Variants in IQCK observed in about 807,000 individuals in gnomAD.
IQCK encodes the protein IQ domain-containing protein K.
In IQCK, 29 loss-of-function variants were observed where a neutral mutation model predicts 28.1. The observed-to-expected ratio is 1.03, with a 90% CI of 0.77 to 1.41. The LOEUF (loss-of-function observed/expected upper bound fraction) is 1.41, where lower values mean the gene tolerates loss of function less well. IQCK is among the 40% of genes most tolerant of loss of function. The pLI is 0.00. For synonymous variants in IQCK, 113 were observed against 115.1 expected (o/e 0.98, Z 0.12); for missense variants, 359 against 314.7 (o/e 1.14, Z -1.07).
chr16:19,730,107 C>T (rs979509724), intron 1 of IQCK, among the ~76,000 whole-genome samples: 1 of 152,112 alleles, frequency 6.6e-6, no homozygotes, highest in Non-Finnish European at 1.5e-5. Flanking sequence ...AGGCACCAGC[C>T]ACCACGCCCA....
chr16:19,769,487 A>G (rs1028577673), intron 6 of IQCK, among the ~76,000 whole-genome samples: 3 of 152,176 alleles, frequency 2.0e-5, no homozygotes, highest in Non-Finnish European at 4.4e-5. Context: ...CCATTGGTGG[A>G]CATTGTGACA....
At chr16:19,738,367 GT>G (rs571502119) in intron 4 of IQCK, among the ~76,000 whole-genome samples, 51 of 152,288 alleles carry the variant, frequency 3.3e-4, no homozygotes, top group African/African-American at 1.2e-3. Flanking sequence ...CATGAGTTTA[GT>G]TGATGGAGGA....
Position 19,733,780 on chromosome 16 carries a change from G to A in IQCK, c.329G>A (p.Arg110His), listed in dbSNP as rs560311228. The change falls in exon 3 of 8, where the codon CGT becomes CAT. Residue 110 changes from arginine to histidine, a missense_variant. Coordinates refer to ENST00000564186, the Ensembl canonical transcript of IQCK. Reference sequence around the variant, plus strand: ...GTTTCCCATTTCACCATGATCTCACGTACACCCTGTCCTCAAGATAAATCG... The same window carrying A: ...GTTTCCCATTTCACCATGATCTCACATACACCCTGTCCTCAAGATAAATCG... 3.2e-5 allele frequency: 51 copies of A among 1,613,976 alleles called. No individual in the cohort carries two copies. The Admixed American group carries it at 4.2e-4, about 13-fold the overall frequency.
intron 6 of IQCK, among the ~76,000 whole-genome samples, chr16:19,774,968 C>A (rs1394581833): frequency 6.6e-6 from 1 of 152,104 alleles, no homozygotes; most frequent in Non-Finnish European, 1.5e-5. Flanking sequence ...TAGGCCTTGC[C>A]TGTAATCCCA....
chr16:19,817,616 T>G (rs2056006610), intron 7 of IQCK, among the ~76,000 whole-genome samples: 1 of 152,164 alleles, frequency 6.6e-6, no homozygotes, highest in South Asian at 2.1e-4. Context: ...GATGTTTCTG[T>G]TTTTGTTGTT....
At chr16:19,846,528 C>T (rs1469766605) in intron 9 of IQCK, among the ~76,000 whole-genome samples, 1 of 152,212 alleles carries the variant, frequency 6.6e-6, no homozygotes, top group Non-Finnish European at 1.5e-5. Context: ...AAAATACTGC[C>T]TTCAAGGAGA....
At chr16:19,809,522 T>C (rs2055875783) in intron 7 of IQCK, among the ~76,000 whole-genome samples, 1 of 152,130 alleles carries the variant, frequency 6.6e-6, no homozygotes, top group Admixed American at 6.5e-5. Flanking sequence ...GCAGATACAA[T>C]CCAGGGGACA....
chr16:19,728,076 A>G (rs1183565317), intron 1 of IQCK, among the ~76,000 whole-genome samples: 1 of 151,360 alleles, frequency 6.6e-6, no homozygotes, highest in Non-Finnish European at 1.5e-5. Flanking sequence ...TGAGCCCTTA[A>G]AAGAAGTCAG....
At chr16:19,852,418 C>A (rs2056494413) in intron 9 of IQCK, among the ~76,000 whole-genome samples, 1 of 151,556 alleles carries the variant, frequency 6.6e-6, no homozygotes, top group Non-Finnish European at 1.5e-5. Flanking sequence ...AACAAACAAA[C>A]AAACAAACAA....
chr16:19,841,201 C>A (rs971837768), intron 9 of IQCK, among the ~76,000 whole-genome samples: 2 of 152,104 alleles, frequency 1.3e-5, no homozygotes, highest in Non-Finnish European at 2.9e-5. Context: ...AAAAAGGTAC[C>A]CACCTCACTG....
At chr16:19,856,207 C>T (rs1410627590) in intron 9 of IQCK, among the ~76,000 whole-genome samples, 1 of 152,198 alleles carries the variant, frequency 6.6e-6, no homozygotes, top group African/African-American at 2.4e-5. Context: ...TCCTTCAGTA[C>T]CCTGACCGGC....
At chr16:19,826,734 A>C (rs2056154809) in intron 7 of IQCK, among the ~76,000 whole-genome samples, 1 of 152,222 alleles carries the variant, frequency 6.6e-6, no homozygotes, top group Non-Finnish European at 1.5e-5. Context: ...TTTTAAAATG[A>C]GATGCCAGGA....
chr16:19,803,138 G>GT (rs950943200), intron 7 of IQCK, among the ~76,000 whole-genome samples: 4 of 151,832 alleles, frequency 2.6e-5, no homozygotes, highest in African/African-American at 9.7e-5. Context: ...GTTTTGTTTT[G>GT]TTTGTTTGTT....
chr16:19,815,557 G>T (rs1332213527), intron 7 of IQCK, among the ~76,000 whole-genome samples: 1 of 152,184 alleles, frequency 6.6e-6, no homozygotes, highest in Non-Finnish European at 1.5e-5. Flanking sequence ...TGTAGTACCA[G>T]CTAGATGGGA....
intron 7 of IQCK, 70 bp from the exon 8 acceptor site, chr16:19,826,956 A>G: frequency 1.0e-6 from 1 of 963,924 alleles, no homozygotes; most frequent in South Asian, 1.3e-5. Flanking sequence ...AGGATTTTCC[A>G]TGCAGGGTTA....
At chr16:19,777,779 G>C (rs569517765) in intron 6 of IQCK, among the ~76,000 whole-genome samples, 2 of 152,144 alleles carry the variant, frequency 1.3e-5, no homozygotes, top group African/African-American at 4.8e-5. Flanking sequence ...GGCCGGGCAC[G>C]GTGGCTCACG....
chr16:19,820,680 T>A (rs2141081377), intron 7 of IQCK, among the ~76,000 whole-genome samples: 1 of 152,032 alleles, frequency 6.6e-6, no homozygotes, highest in South Asian at 2.1e-4. Context: ...AATTTGATTT[T>A]ATCAAAATTT....
At chr16:19,821,801 C>T (rs2056075325) in intron 7 of IQCK, among the ~76,000 whole-genome samples, 1 of 151,980 alleles carries the variant, frequency 6.6e-6, no homozygotes, top group Non-Finnish European at 1.5e-5. Flanking sequence ...GTGCTGGGCT[C>T]GGTGACTCAC....
chr16:19,828,744 G>A (rs138744778), downstream of IQCK, among the ~76,000 whole-genome samples: 2,875 of 149,256 alleles, frequency 0.019, 96 homozygotes, highest in African/African-American at 0.067. Flanking sequence ...GGGCATGGTG[G>A]CGGGCACCTG....
Sources: allele counts gnomAD v4.1 joint callset (sites outside exome capture counted in the v4.1 genomes callset), GRCh38; gene constraint gnomAD v4.1.1; transcripts MANE v1.5; gene names NCBI Gene and HGNC (gene_info 2026-07-23, HGNC 2026-07-21).